Variants in NCAM2 observed in about 807,000 individuals in gnomAD.
The protein encoded by NCAM2 is neural cell adhesion molecule 2.
In NCAM2, 30 loss-of-function variants were observed where a neutral mutation model predicts 98.1. The ratio of observed to expected loss-of-function variants is 0.31; its 90% CI spans 0.23 to 0.41. The LOEUF (loss-of-function observed/expected upper bound fraction) is 0.41. NCAM2 is among the 10% of genes least tolerant of loss of function. The pLI is 1.00. For synonymous variants in NCAM2, 368 were observed against 342.4 expected (o/e 1.07, Z -0.83); for missense variants, 867 against 1,005.8 (o/e 0.86, Z 1.87).
Position 21,167,524 on chromosome 21 carries a change from T to A in NCAM2, c.56-113054T>A, listed in dbSNP as rs575951514. Reference sequence around the variant, plus strand: ...AAAACAGGAAATCAAGAGAGAAAAATCAATGTTTAATAAGATTAGATAAGA... The same window carrying A: ...AAAACAGGAAATCAAGAGAGAAAAAACAATGTTTAATAAGATTAGATAAGA... On this transcript the variant is annotated intron_variant, in intron 1 of 17. Transcript: ENST00000400546. Among the ~76,000 whole-genome samples the A allele has an allele frequency of 3.8e-4, 58 of 151,756 alleles. 1 individual carries two copies. The South Asian group carries it at 0.012, about 31-fold the overall frequency.
intron 1 of NCAM2, among the ~76,000 whole-genome samples, chr21:21,082,881 G>C (rs1013227355): frequency 6.6e-6 from 1 of 152,096 alleles, no homozygotes; most frequent in Admixed American, 6.5e-5. Flanking sequence ...TCCACTCTGC[G>C]GGACACCTAT....
At chr21:21,498,904 G>A (rs1987436680) in intron 15 of NCAM2, among the ~76,000 whole-genome samples, 1 of 152,070 alleles carries the variant, frequency 6.6e-6, no homozygotes, top group Admixed American at 6.6e-5. Flanking sequence ...AGAAGAGAAT[G>A]CCTCCCAAAA....
intron 1 of NCAM2, among the ~76,000 whole-genome samples, chr21:21,125,675 TAGAG>T (rs1400593193): frequency 1.3e-4 from 17 of 127,382 alleles, no homozygotes; most frequent in African/African-American, 4.8e-4. Flanking sequence ...TATCTATATA[TAGAG>T]ATATATATGT....
At chr21:21,033,389 C>T (rs1309705319) in intron 1 of NCAM2, among the ~76,000 whole-genome samples, 1 of 151,976 alleles carries the variant, frequency 6.6e-6, no homozygotes, top group Non-Finnish European at 1.5e-5. Flanking sequence ...AGAAGATTAA[C>T]AGGAAAAAAA....
At chr21:21,095,489 TA>T (rs35258026) in intron 1 of NCAM2, among the ~76,000 whole-genome samples, 59,830 of 148,950 alleles carry the variant, frequency 0.4, 14,453 homozygotes, top group African/African-American at 0.68. Context: ...TTTACCTTTT[TA>T]AAAAAAAAAG....
At chr21:21,286,124 A>T in intron 3 of NCAM2, 145 bp from the exon 4 acceptor site, 2 of 856,936 alleles carry the variant, frequency 2.3e-6, no homozygotes, top group Admixed American at 3.0e-5. Context: ...GAAGTAGATT[A>T]TCTAGTTTAA....
At chr21:21,370,013 T>C (rs1485276591) in intron 8 of NCAM2, among the ~76,000 whole-genome samples, 2 of 151,848 alleles carry the variant, frequency 1.3e-5, no homozygotes, top group Non-Finnish European at 2.9e-5. Flanking sequence ...GCTAATATGC[T>C]GCAGTCATCG....
chr21:21,083,700 C>A (rs956416798), intron 1 of NCAM2, among the ~76,000 whole-genome samples: 7 of 152,082 alleles, frequency 4.6e-5, no homozygotes, highest in Non-Finnish European at 8.8e-5. Flanking sequence ...CAGATGTGAG[C>A]CACCACCCCC....
At chr21:21,124,059 G>A (rs1352698902) in intron 1 of NCAM2, among the ~76,000 whole-genome samples, 1 of 120,678 alleles carries the variant, frequency 8.3e-6, no homozygotes, top group Non-Finnish European at 1.7e-5. Context: ...TGTTGGCCAG[G>A]ATGGTATCGA....
At chr21:21,347,997 G>A (rs2075234844) in intron 8 of NCAM2, among the ~76,000 whole-genome samples, 1 of 152,034 alleles carries the variant, frequency 6.6e-6, no homozygotes, top group Non-Finnish European at 1.5e-5. Context: ...CAGACCTACA[G>A]CTAGTGTCAT....
intron 8 of NCAM2, among the ~76,000 whole-genome samples, chr21:21,358,378 G>A (rs2075552781): frequency 6.6e-6 from 1 of 152,018 alleles, no homozygotes; most frequent in African/African-American, 2.4e-5. Context: ...GGATTAAAGA[G>A]TTTCATTTTG....
chr21:21,038,460 C>T (rs1390934263), intron 1 of NCAM2, among the ~76,000 whole-genome samples: 4 of 151,932 alleles, frequency 2.6e-5, no homozygotes, highest in South Asian at 2.1e-4. Context: ...TGGAAGGGAC[C>T]GGTGTGAGGT....
intron 6 of NCAM2, among the ~76,000 whole-genome samples, chr21:21,334,385 G>A (rs1305800978): frequency 6.6e-6 from 1 of 152,288 alleles, no homozygotes; most frequent in Non-Finnish European, 1.5e-5. Context: ...TCATATATGT[G>A]TTAGTGGTTT....
chr21:21,283,596 G>A (rs1405719422), intron 2 of NCAM2, among the ~76,000 whole-genome samples: 1 of 151,768 alleles, frequency 6.6e-6, no homozygotes, highest in Non-Finnish European at 1.5e-5. Context: ...ATTTCTCTTG[G>A]GAAAAGAGAT....
Position 21,210,967 on chromosome 21 carries a change from AACACACACACACACACACACACACAC to A in NCAM2, c.56-69580_56-69555del, listed in dbSNP as rs71195310. On this transcript the variant is annotated intron_variant, in intron 1 of 17. Coordinates refer to ENST00000400546, the MANE Select transcript of NCAM2 (RefSeq NM_004540.5). ...CAGGAGTTTACTAATACTCTCCCCA[AACACACACACACACACACACACACAC>A]ACACACACACACACACACACACACA... 1.0e-3 allele frequency among the ~76,000 whole-genome samples: 127 copies of A among 127,382 alleles called. 1 individual carries two copies. In the Middle Eastern group the frequency reaches 0.016, roughly 16 times the overall value. 83.6% of individuals were successfully genotyped at this position (127,382 alleles called of 152,430 possible).
intron 1 of NCAM2, chr21:21,210,794 A>C: frequency 2.4e-6 from 1 of 425,348 alleles, no homozygotes; most frequent in Non-Finnish European, 3.8e-6. Flanking sequence ...ACTCCCCTAG[A>C]GGGAGAATGT....
At chr21:21,460,693 G>T (rs1416545478) in intron 12 of NCAM2, among the ~76,000 whole-genome samples, 2 of 151,808 alleles carry the variant, frequency 1.3e-5, no homozygotes, top group African/African-American at 4.8e-5. Flanking sequence ...GGCTAGATGA[G>T]GGCTGAGGAC....
intron 1 of NCAM2, among the ~76,000 whole-genome samples, chr21:21,012,381 C>T (rs1481623400): frequency 2.6e-5 from 4 of 151,842 alleles, no homozygotes; most frequent in East Asian, 1.9e-4. Context: ...TTTAGTAAGC[C>T]GTCAGTCTGT....
At chr21:21,311,334 C>CTTTTT (rs1568919300) in intron 5 of NCAM2, among the ~76,000 whole-genome samples, 3 of 115,880 alleles carry the variant, frequency 2.6e-5, no homozygotes, top group African/African-American at 9.7e-5. Context: ...AAATATGGGG[C>CTTTTT]ATTTTTTTTT....
Sources: gnomAD v4.1 joint callset for allele counts (sites outside exome capture counted in the v4.1 genomes callset) on GRCh38, gnomAD v4.1.1 for gene constraint, MANE v1.5 for transcripts, NCBI Gene and HGNC (gene_info 2026-07-23, HGNC 2026-07-21) for gene names.